The following HUWE1 variants were observed in gnomAD, a reference collection of about 807,000 sequenced individuals.
HUWE1 encodes E3 ubiquitin-protein ligase HUWE1.
A neutral mutation model predicts 299.4 loss-of-function variants in HUWE1; 18 were observed. The observed-to-expected ratio is 0.06, with a 90% CI of 0.04 to 0.09. The LOEUF (loss-of-function observed/expected upper bound fraction) is 0.09, where lower values mean the gene tolerates loss of function less well. Ranked by LOEUF, HUWE1 falls within the 10% of genes least tolerant of loss-of-function variation. The pLI is 1.00. For synonymous variants in HUWE1, 1,317 were observed against 1,286.1 expected (o/e 1.02, Z -0.51); for missense variants, 1,832 against 3,462.3 (o/e 0.53, Z 11.82).
At position 53,545,084 on chromosome X, in the gene HUWE1, C is replaced by T; in HGVS notation, c.10993G>A (p.Gly3665Ser). 8.3e-7 allele frequency: 1 copy of T among 1,210,197 alleles called. No individual in the cohort carries two copies. The highest frequency in any genetic ancestry group is 1.1e-6 in the Non-Finnish European group (1 of 894,702). Residue 3665 changes from glycine to serine, a missense_variant, in exon 71 of 84, where the codon GGC (glycine) becomes AGC (serine). By Grantham distance (56) the Gly-to-Ser change is moderately conservative. Coordinates refer to ENST00000262854, the MANE Select transcript of HUWE1 (RefSeq NM_031407.7). ...RAQCETLSPD[G>S]LPEEQPQTTK... Reference sequence around the variant, plus strand: ...GTCTGTGGCTGCTCCTCAGGCAGGCCATCAGGAGAGAGGGTTTCACATTGG... The same window carrying T: ...GTCTGTGGCTGCTCCTCAGGCAGGCTATCAGGAGAGAGGGTTTCACATTGG...
At position 53,672,838 on chromosome X, in the gene HUWE1, G is replaced by A. The variant is rs782653633; in HGVS notation, c.-25+7211C>T. On this transcript the variant is annotated intron_variant, in intron 3 of 83. Coordinates refer to ENST00000262854, the MANE Select transcript of HUWE1 (RefSeq NM_031407.7). ...TGAAAAAATATATAATATGGCTACA[G>A]AGCAGTTAAGAAAAGCCTTCGAAGA... Among the ~76,000 whole-genome samples, 4 of 111,734 alleles carry A rather than the reference G, an allele frequency of 3.6e-5. No individual in the cohort carries two copies. The East Asian group carries it at 1.1e-3, about 31-fold the overall frequency.
chrX:53,564,559 G>T lies in HUWE1; in HGVS notation c.7029+15C>A. 8.3e-7 allele frequency: 1 copy of T among 1,209,058 alleles called. No homozygotes were observed. The highest frequency in any genetic ancestry group is 1.8e-5 in the South Asian group (1 of 56,846). ...GCGCCGCAACAGGGAAATGCTGGGTGATCTGCCTCCCTACCTGCATCTCTT... is the reference window on the plus strand; with the variant it reads ...GCGCCGCAACAGGGAAATGCTGGGTTATCTGCCTCCCTACCTGCATCTCTT... On this transcript the variant is annotated intron_variant, in intron 51 of 83. Transcript: ENST00000262854.
At chrX:53,619,819 G>A (rs2066028573) in intron 19 of HUWE1, among the ~76,000 whole-genome samples, 1 of 111,528 alleles carries the variant, frequency 9.0e-6, no homozygotes, top group Non-Finnish European at 1.9e-5. Flanking sequence ...TTACAGAGAA[G>A]AGAGTAAAGG....
At chrX:53,545,349 A>C (rs2061501254) in intron 70 of HUWE1, among the ~76,000 whole-genome samples, 188 bp from the exon 71 acceptor site, 1 of 111,587 alleles carries the variant, frequency 9.0e-6, no homozygotes, top group South Asian at 3.8e-4. Context: ...GGGACTACCA[A>C]TTTACCTATG....
intron 59 of HUWE1, among the ~76,000 whole-genome samples, chrX:53,557,707 A>T (rs1176740585): frequency 1.8e-5 from 2 of 112,195 alleles, no homozygotes; most frequent in Admixed American, 9.4e-5. Context: ...CACGATCATG[A>T]TCATTCTAGC....
intron 17 of HUWE1, among the ~76,000 whole-genome samples, chrX:53,627,105 A>G (rs1557018426): frequency 8.9e-6 from 1 of 111,742 alleles, no homozygotes; most frequent in East Asian, 2.8e-4. Context: ...CTTGAATTTT[A>G]GTAGAAATAA....
chrX:53,533,446 G>T, intron 83 of HUWE1, 35 bp from the exon 84 acceptor site: 1 of 1,023,633 alleles, frequency 9.8e-7, no homozygotes, highest in Non-Finnish European at 1.4e-6. Context: ...TGTGGTGAGG[G>T]ATGACAGATA....
rs1288929571 is a variant in HUWE1 at position 53,593,837 on chromosome X, GC to G, written c.3504-237del. Among the ~76,000 whole-genome samples, 4 of 112,091 alleles carry G rather than the reference GC, an allele frequency of 3.6e-5. No individual in the cohort carries two copies. The East Asian group carries it at 1.1e-3, about 31-fold the overall frequency. On this transcript the variant is annotated intron_variant, in intron 31 of 83. Transcript: ENST00000262854. ...AAACCAGCTGGGCGCGGTGGCTCAC[GC>G]CTGTAATCCCAGCACTTTGGGAGGC...
rs17276588 is a variant in HUWE1 at position 53,557,457 on chromosome X, G to A, written c.8161-30C>T. 50,710 of 1,149,755 alleles carry A rather than the reference G, an allele frequency of 0.044. 3,121 individuals are homozygous for A. Among genetic ancestry groups the A allele is most frequent in the East Asian group, 0.34 (11,443 of 33,473 alleles). The allele number at this position is 1,149,755 out of a possible 1,213,427, so 94.8% of individuals were successfully genotyped here. ...AAAAAGAAGGGATAGACCAATGTGG[G>A]ACTTTGCAAGCACCTAAGATAGAGG... On this transcript the variant is annotated intron_variant, in intron 59 of 83. Coordinates refer to ENST00000262854, the MANE Select transcript of HUWE1 (RefSeq NM_031407.7).
At chrX:53,599,695 T>C (rs1042180265) in intron 29 of HUWE1, among the ~76,000 whole-genome samples, 6 of 112,084 alleles carry the variant, frequency 5.4e-5, no homozygotes, top group Admixed American at 4.7e-4. Flanking sequence ...AGAATCAAGA[T>C]AGCTTAATAA....
At chrX:53,547,581 T>C in intron 68 of HUWE1, 92 bp downstream of exon 68, 1 of 1,152,103 alleles carries the variant, frequency 8.7e-7, no homozygotes, top group South Asian at 2.0e-5. Context: ...AGCTGATTGC[T>C]ATCACTGAGG....
At chrX:53,636,729 A>G (rs1349037453) in intron 7 of HUWE1, among the ~76,000 whole-genome samples, 1 of 112,130 alleles carries the variant, frequency 8.9e-6, no homozygotes, top group Non-Finnish European at 1.9e-5. Context: ...AAAAGGTAAC[A>G]AACACCTGGT....
intron 42 of HUWE1, among the ~76,000 whole-genome samples, chrX:53,582,100 C>A (rs902544124): frequency 8.9e-6 from 1 of 112,055 alleles, no homozygotes; most frequent in Non-Finnish European, 1.9e-5. Context: ...CATCTTGATA[C>A]GTTAAGACTG....
intron 3 of HUWE1, among the ~76,000 whole-genome samples, chrX:53,660,369 T>A (rs2068938656): frequency 1.8e-5 from 2 of 112,411 alleles, no homozygotes; most frequent in Non-Finnish European, 3.8e-5. Context: ...AGAGCCAATA[T>A]GAATGCACAC....
At chrX:53,535,733 G>C (rs1488138227) in intron 80 of HUWE1, among the ~76,000 whole-genome samples, 1 of 111,486 alleles carries the variant, frequency 9.0e-6, no homozygotes, top group Non-Finnish European at 1.9e-5. Flanking sequence ...AAAAAAGGCA[G>C]AAGAGAGTAA....
intron 19 of HUWE1, among the ~76,000 whole-genome samples, chrX:53,618,398 G>C (rs782528344): frequency 4.2e-4 from 46 of 108,743 alleles, no homozygotes; most frequent in African/African-American, 1.4e-3. Context: ...TTAGAAAAAA[G>C]AGCAGTAATA....
At chrX:53,651,826 T>C (rs1276099339) in intron 4 of HUWE1, among the ~76,000 whole-genome samples, 1 of 111,566 alleles carries the variant, frequency 9.0e-6, no homozygotes, top group African/African-American at 3.3e-5. Flanking sequence ...GTAACTATCA[T>C]TCTACTGCCT....
At chrX:53,609,540 A>G (rs2065332400) in intron 23 of HUWE1, among the ~76,000 whole-genome samples, 1 of 112,428 alleles carries the variant, frequency 8.9e-6, no homozygotes, top group Non-Finnish European at 1.9e-5. Context: ...CAAAAAACTG[A>G]TCAGGTCTTT....
chrX:53,535,124 G>A lies in HUWE1; in HGVS notation c.12649+260C>T, dbSNP rs781873611. Among the ~76,000 whole-genome samples, 107 of 110,609 alleles carry A rather than the reference G, an allele frequency of 9.7e-4. No individual in the cohort carries two copies. The South Asian group carries it at 0.038, about 39-fold the overall frequency. Reference sequence around the variant, plus strand: ...GCTAATTTTTTATTTTAGTAGAGACGGGGTTTCACCATGTTGGCCAGGCTG... The same window carrying A: ...GCTAATTTTTTATTTTAGTAGAGACAGGGTTTCACCATGTTGGCCAGGCTG... On this transcript the variant is annotated intron_variant, in intron 81 of 83. Coordinates refer to ENST00000262854, the MANE Select transcript of HUWE1 (RefSeq NM_031407.7).
Sources: allele counts gnomAD v4.1 joint callset (sites outside exome capture counted in the v4.1 genomes callset), GRCh38; gene constraint gnomAD v4.1.1; transcripts MANE v1.5; gene names NCBI Gene and HGNC (gene_info 2026-07-23, HGNC 2026-07-21).